CHL1: variants seen among roughly 807,000 people sequenced by gnomAD.
CHL1 encodes the protein neural cell adhesion molecule L1-like protein.
Under a neutral mutation model 141.9 loss-of-function variants are expected in CHL1, and 96 were observed. The observed-to-expected ratio is 0.68, with a 90% CI of 0.57 to 0.80. The LOEUF is 0.80. Ranked by LOEUF, CHL1 falls within the 30% of genes least tolerant of loss-of-function variation. The pLI, the probability that CHL1 is intolerant of heterozygous loss-of-function variation, is 0.00. For synonymous variants in CHL1, 613 were observed against 502.2 expected (o/e 1.22, Z -2.95); for missense variants, 1,820 against 1,457.2 (o/e 1.25, Z -4.05).
intron 1 of CHL1, among the ~76,000 whole-genome samples, chr3:238,901 C>G (rs551535034): frequency 6.6e-6 from 1 of 152,250 alleles, no homozygotes; most frequent in South Asian, 2.1e-4. Flanking sequence ...CCATTGCACT[C>G]CAGCCTGGGT....
intron 2 of CHL1, among the ~76,000 whole-genome samples, chr3:261,207 GC>G (rs1457358705): frequency 6.6e-6 from 1 of 152,090 alleles, no homozygotes; most frequent in East Asian, 1.9e-4. Flanking sequence ...AGTGAAGCCA[GC>G]CCCTGATCTG....
intron 3 of CHL1, among the ~76,000 whole-genome samples, chr3:321,422 A>T (rs1700554462): frequency 6.6e-6 from 1 of 152,202 alleles, no homozygotes; most frequent in Middle Eastern, 3.4e-3. Flanking sequence ...AGTCTAAAGT[A>T]CCTTCATCTT....
chr3:278,966 T>C (rs1412835210), intron 2 of CHL1, among the ~76,000 whole-genome samples: 1 of 152,204 alleles, frequency 6.6e-6, no homozygotes, highest in Non-Finnish European at 1.5e-5. Context: ...CAAGCAACCT[T>C]GAGCTTCCTC....
intron 10 of CHL1, among the ~76,000 whole-genome samples, chr3:350,513 C>T (rs567294536): frequency 5.9e-5 from 9 of 152,176 alleles, no homozygotes; most frequent in African/African-American, 1.7e-4. Flanking sequence ...TGAACTAGTG[C>T]TCTAGGCACC....
At chr3:360,941 A>G (rs1420142683) in intron 12 of CHL1, among the ~76,000 whole-genome samples, 2 of 151,430 alleles carry the variant, frequency 1.3e-5, no homozygotes, top group South Asian at 4.2e-4. Context: ...TTATGGCTGC[A>G]TAGTATTCCA....
At chr3:281,393 T>C (rs2125296562) in intron 2 of CHL1, among the ~76,000 whole-genome samples, 1 of 152,288 alleles carries the variant, frequency 6.6e-6, no homozygotes, top group East Asian at 1.9e-4. Flanking sequence ...CTTATTTGCC[T>C]TCACCACTAT....
intron 7 of CHL1, 113 bp downstream of exon 7, chr3:342,195 G>T (rs114572209): frequency 1.1e-6 from 1 of 871,638 alleles, no homozygotes; most frequent in Non-Finnish European, 1.7e-6. Flanking sequence ...CCATTGTGCA[G>T]TTCAACTCTG....
At chr3:231,624 C>T (rs1217565980) in intron 1 of CHL1, among the ~76,000 whole-genome samples, 1 of 130,594 alleles carries the variant, frequency 7.7e-6, no homozygotes, top group East Asian at 2.4e-4. Context: ...GTCACCCAGG[C>T]TGGAGTGCAG....
intron 1 of CHL1, among the ~76,000 whole-genome samples, chr3:223,406 T>G (rs1701037238): frequency 6.6e-6 from 1 of 152,208 alleles, no homozygotes. Flanking sequence ...CTTTTATTCT[T>G]GGAGTAATTT....
chr3:295,587 C>G (rs1436724424), intron 2 of CHL1, among the ~76,000 whole-genome samples: 1 of 152,050 alleles, frequency 6.6e-6, no homozygotes, highest in Admixed American at 6.6e-5. Flanking sequence ...TCTTAGTCAT[C>G]CATCTCTGTC....
intron 1 of CHL1, among the ~76,000 whole-genome samples, chr3:217,283 G>A (rs1056667544): frequency 6.6e-6 from 1 of 152,090 alleles, no homozygotes; most frequent in African/African-American, 2.4e-5. Context: ...ACGTGTGTGT[G>A]CATGTGTAGC....
At chr3:267,892 A>G (rs1239989324) in intron 2 of CHL1, among the ~76,000 whole-genome samples, 2 of 152,224 alleles carry the variant, frequency 1.3e-5, no homozygotes, top group East Asian at 3.8e-4. Context: ...AACAATTACC[A>G]TAGAAATGCA....
At chr3:206,653 T>G (rs1395135141) in intron 1 of CHL1, among the ~76,000 whole-genome samples, 1 of 152,118 alleles carries the variant, frequency 6.6e-6, no homozygotes, top group Non-Finnish European at 1.5e-5. Context: ...GGTGGGAGGA[T>G]CATTTGAGCC....
chr3:332,293 G>A (rs1701501610), intron 5 of CHL1, among the ~76,000 whole-genome samples: 1 of 152,128 alleles, frequency 6.6e-6, no homozygotes, highest in Admixed American at 6.5e-5. Context: ...TTTGAAATAT[G>A]TAAAACTGAC....
At chr3:255,624 G>A (rs1278343759) in intron 2 of CHL1, among the ~76,000 whole-genome samples, 1 of 152,110 alleles carries the variant, frequency 6.6e-6, no homozygotes, top group Non-Finnish European at 1.5e-5. Flanking sequence ...GATGCAAGTT[G>A]GTATCTAAAA....
At chr3:339,828 G>A (rs1229664068) in intron 5 of CHL1, among the ~76,000 whole-genome samples, 1 of 152,044 alleles carries the variant, frequency 6.6e-6, no homozygotes, top group Non-Finnish European at 1.5e-5. Flanking sequence ...AATGAAAATC[G>A]GTTGTGAATC....
intron 2 of CHL1, among the ~76,000 whole-genome samples, chr3:303,640 G>C (rs956611632): frequency 6.6e-6 from 1 of 152,194 alleles, no homozygotes; most frequent in African/African-American, 2.4e-5. Context: ...GGGCTGAGAA[G>C]ATGGGGTTTT....
intron 2 of CHL1, among the ~76,000 whole-genome samples, chr3:257,243 C>G (rs771417976): frequency 7.2e-5 from 11 of 152,040 alleles, no homozygotes; most frequent in Non-Finnish European, 1.2e-4. Flanking sequence ...AAATTTAGTT[C>G]TCTTTCCCTT....
chr3:381,048 T>A (rs1466585968), intron 16 of CHL1, among the ~76,000 whole-genome samples: 1 of 152,138 alleles, frequency 6.6e-6, no homozygotes, highest in African/African-American at 2.4e-5. Context: ...AAGGAACTTG[T>A]TTGCAAATGC....
Sources: allele counts gnomAD v4.1 joint callset (sites outside exome capture counted in the v4.1 genomes callset), GRCh38; gene constraint gnomAD v4.1.1; transcripts MANE v1.5; gene names NCBI Gene and HGNC (gene_info 2026-07-23, HGNC 2026-07-21).